KHDRBS2: variants seen among roughly 807,000 people sequenced by gnomAD.
KHDRBS2 encodes KH RNA binding domain containing, signal transduction associated 2, also known as KH domain-containing, RNA-binding, signal transduction-associated protein 2.
Under a neutral mutation model 44.3 loss-of-function variants are expected in KHDRBS2, and 26 were observed. The observed-to-expected ratio is 0.59, with a 90% CI of 0.43 to 0.81. KHDRBS2 has a LOEUF of 0.81. Among genes scored for constraint, KHDRBS2 ranks in the 40% least tolerant of loss-of-function variants. The probability of loss-of-function intolerance (pLI) is 0.00; values close to 1 mark genes in which losing one functional copy is unlikely to be tolerated. For synonymous variants in KHDRBS2, 194 were observed against 151.1 expected, an observed-to-expected ratio of 1.28 and a Z score of -2.08; for missense variants, 476 against 433.1, an observed-to-expected ratio of 1.10 and a Z score of -0.88.
intron 4 of KHDRBS2, among the ~76,000 whole-genome samples, chr6:61,954,426 T>C (rs1330529744): frequency 7.0e-6 from 1 of 142,788 alleles, no homozygotes; most frequent in Non-Finnish European, 1.6e-5. Flanking sequence ...TATATACGTA[T>C]GTATGCATGC....
At chr6:62,031,798 TG>T (rs1206939051) in intron 3 of KHDRBS2, among the ~76,000 whole-genome samples, 1 of 152,020 alleles carries the variant, frequency 6.6e-6, no homozygotes, top group Non-Finnish European at 1.5e-5. Context: ...ACTTGGGGCC[TG>T]GGGGTCATCA....
intron 4 of KHDRBS2, among the ~76,000 whole-genome samples, chr6:61,946,813 A>G (rs886185125): frequency 1.3e-5 from 2 of 152,154 alleles, no homozygotes; most frequent in Non-Finnish European, 2.9e-5. Context: ...GAACAAATGC[A>G]TGAAATATCC....
intron 2 of KHDRBS2, among the ~76,000 whole-genome samples, chr6:62,173,229 A>C (rs1185691047): frequency 6.6e-6 from 1 of 151,972 alleles, no homozygotes; most frequent in African/African-American, 2.4e-5. Flanking sequence ...AAGTAAACAT[A>C]AACAAATAAC....
chr6:62,037,730 G>A (rs1035806403), intron 3 of KHDRBS2, among the ~76,000 whole-genome samples: 2 of 151,786 alleles, frequency 1.3e-5, no homozygotes, highest in African/African-American at 4.8e-5. Context: ...GTAGATGCTA[G>A]CAATTACATA....
chr6:62,232,468 G>A (rs1315912998), intron 1 of KHDRBS2, among the ~76,000 whole-genome samples: 3 of 151,882 alleles, frequency 2.0e-5, no homozygotes, highest in Non-Finnish European at 2.9e-5. Context: ...TAATTCTAAG[G>A]AAGTAAGTTC....
At chr6:61,560,112 T>A in the KHDRBS2 span, among the ~76,000 whole-genome samples, 1 of 152,136 alleles carries the variant, frequency 6.6e-6, no homozygotes, top group African/African-American at 2.4e-5. Context: ...CTTCAGCATA[T>A]TAAATATGTC....
At chr6:62,004,356 C>G (rs1778829333) in intron 3 of KHDRBS2, among the ~76,000 whole-genome samples, 1 of 152,130 alleles carries the variant, frequency 6.6e-6, no homozygotes, top group South Asian at 2.1e-4. Context: ...AAACTACCAT[C>G]AGATAATACT....
rs527940496 is a variant in KHDRBS2 at position 62,247,381 on chromosome 6, C to A, written c.91+38477G>T. Among the ~76,000 whole-genome samples the A allele has an allele frequency of 2.5e-3, 380 of 151,304 alleles. 3 individuals are homozygous for A. Among genetic ancestry groups the A allele is most frequent in the African/African-American group, 8.5e-3 (349 of 41,254 alleles). On this transcript the variant is annotated intron_variant, in intron 1 of 8. Coordinates refer to ENST00000281156, the MANE Select transcript of KHDRBS2 (RefSeq NM_152688.4). ...CATTACTAGTGCGCCAGCCTAGCACCAAAGAGAGTATATACTTATACTGTA... is the reference window on the plus strand; with the variant it reads ...CATTACTAGTGCGCCAGCCTAGCACAAAAGAGAGTATATACTTATACTGTA...
intron 1 of KHDRBS2, among the ~76,000 whole-genome samples, chr6:62,232,395 C>T (rs560210855): frequency 6.6e-6 from 1 of 152,146 alleles, no homozygotes; most frequent in African/African-American, 2.4e-5. Context: ...TTTATCCTAC[C>T]TAATCCCATT....
intron 1 of KHDRBS2, among the ~76,000 whole-genome samples, chr6:62,202,302 T>C (rs9454620): frequency 0.036 from 5,509 of 152,176 alleles, 335 homozygotes; most frequent in African/African-American, 0.13. Flanking sequence ...CCAATCCAAC[T>C]CATCATCTGT....
intron 3 of KHDRBS2, among the ~76,000 whole-genome samples, chr6:62,004,819 T>A (rs1412925264): frequency 6.6e-6 from 1 of 152,006 alleles, no homozygotes; most frequent in African/African-American, 2.4e-5. Context: ...TCCACCAAGA[T>A]CAAGTTGGCT....
chr6:62,273,281 T>C (rs569455060), intron 1 of KHDRBS2, among the ~76,000 whole-genome samples: 6 of 152,320 alleles, frequency 3.9e-5, no homozygotes, highest in Admixed American at 2.6e-4. Context: ...AGTTCTTCAG[T>C]GAGTTCTCCT....
At chr6:61,666,984 C>T in the KHDRBS2 span, among the ~76,000 whole-genome samples, 1 of 115,842 alleles carries the variant, frequency 8.6e-6, no homozygotes, top group African/African-American at 3.1e-5. Context: ...AGACACAAAC[C>T]TTCTGGGTTT....
chr6:61,966,712 T>C (rs1039961612), intron 4 of KHDRBS2, among the ~76,000 whole-genome samples: 13 of 152,104 alleles, frequency 8.5e-5, no homozygotes, highest in Middle Eastern at 3.4e-3. Context: ...AACTTTATTG[T>C]TGTTATTATT....
intron 1 of KHDRBS2, among the ~76,000 whole-genome samples, chr6:62,204,565 AAGT>A (rs1198004866): frequency 6.6e-6 from 1 of 152,138 alleles, no homozygotes; most frequent in Non-Finnish European, 1.5e-5. Flanking sequence ...AGCACTCAAA[AAGT>A]AACCTATTTT....
intron 3 of KHDRBS2, among the ~76,000 whole-genome samples, chr6:62,002,110 G>A (rs1342668834): frequency 2.0e-5 from 3 of 151,876 alleles, no homozygotes; most frequent in Non-Finnish European, 4.4e-5. Flanking sequence ...ATCAGAAAGT[G>A]CACACATTTG....
chr6:61,910,419 T>C lies in KHDRBS2; in HGVS notation c.484-9048A>G, dbSNP rs150254057. Reference sequence around the variant, plus strand: ...TATAAAACTTATTCATCAAGGAAGATTGGATATCACAAAGTCAAAATGTTG... The same window carrying C: ...TATAAAACTTATTCATCAAGGAAGACTGGATATCACAAAGTCAAAATGTTG... On this transcript the variant is annotated intron_variant, in intron 4 of 8. Transcript: ENST00000281156. 4.5e-3 allele frequency among the ~76,000 whole-genome samples: 688 copies of C among 152,286 alleles called. 6 individuals carry two copies. Among genetic ancestry groups the C allele is most frequent in the African/African-American group, 0.016 (649 of 41,554 alleles).
chr6:61,895,187 G>A (rs1380753078), intron 5 of KHDRBS2, among the ~76,000 whole-genome samples: 2 of 149,180 alleles, frequency 1.3e-5, no homozygotes, highest in Non-Finnish European at 3.0e-5. Flanking sequence ...CCAAATTCTC[G>A]AAGAAGACAC....
intron 1 of KHDRBS2, among the ~76,000 whole-genome samples, chr6:62,198,768 G>T (rs1340889174): frequency 6.6e-6 from 1 of 152,102 alleles, no homozygotes; most frequent in Non-Finnish European, 1.5e-5. Flanking sequence ...CCAAAGCCTG[G>T]CAGAGACACA....
Sources: allele counts gnomAD v4.1 joint callset (sites outside exome capture counted in the v4.1 genomes callset), GRCh38; gene constraint gnomAD v4.1.1; transcripts MANE v1.5; gene names NCBI Gene and HGNC (gene_info 2026-07-23, HGNC 2026-07-21).